The following USP44 variants were observed in gnomAD, a reference collection of about 807,000 sequenced individuals.
The protein encoded by USP44 is ubiquitin specific peptidase 44.
In USP44, 61 loss-of-function variants were observed where a neutral mutation model predicts 69.0. The observed-to-expected ratio is 0.88, with a 90% CI of 0.72 to 1.09. USP44 has a LOEUF of 1.09. Ranked by LOEUF, USP44 falls within the 50% of genes least tolerant of loss-of-function variation. The pLI is 0.00. For synonymous variants in USP44, 297 were observed against 295.4 expected (o/e 1.01, Z -0.06); for missense variants, 753 against 849.9 (o/e 0.89, Z 1.42).
chr12:95,524,812 A>G (rs1329810492), intron 3 of USP44, 24 bp from the exon 4 acceptor site: 1 of 1,568,006 alleles, frequency 6.4e-7, no homozygotes. Context: ...GAAAGAATAA[A>G]AATCAAATTT....
At chr12:95,523,643 G>A (rs774299136) in intron 4 of USP44, among the ~76,000 whole-genome samples, 2 of 145,500 alleles carry the variant, frequency 1.4e-5, no homozygotes, top group Non-Finnish European at 3.0e-5. Flanking sequence ...CTGAGCTCAG[G>A]AGTTTCCAGA....
At chr12:95,551,034 G>T (rs1019842292) in intron 1 of USP44, among the ~76,000 whole-genome samples, 1 of 151,952 alleles carries the variant, frequency 6.6e-6, no homozygotes, top group Non-Finnish European at 1.5e-5. Context: ...TTTTATTCAT[G>T]ATCTTCACTA....
At chr12:95,523,689 C>CAAAAAAAAAAAAAAAAAA (rs927669685) in intron 4 of USP44, among the ~76,000 whole-genome samples, 2 of 89,204 alleles carry the variant, frequency 2.2e-5, no homozygotes, top group Non-Finnish European at 4.8e-5. Context: ...CTGTCTCTAC[C>CAAAAAAAAAAAAAAAAAA]AAAAAAAAAA....
rs936746638 is a variant in USP44 at position 95,551,472 on chromosome 12, A to C, written c.-271T>G. The C allele has an allele frequency of 3.3e-5, 5 of 152,656 alleles. No individual in the cohort carries two copies. The highest frequency in any genetic ancestry group is 9.7e-5 in the African/African-American group (4 of 41,432). 9.5% of individuals were successfully genotyped at this position (152,656 alleles called of 1,614,324 possible). On this transcript the variant is annotated 5_prime_UTR_variant, in exon 1 of 6. Coordinates refer to ENST00000258499, the MANE Select transcript of USP44 (RefSeq NM_032147.5). ...TTTGGCTTAAACTCTCACCTCCTGG[A>C]AACTGCTTTCCTGAAGTCACAAACC...
intron 2 of USP44, among the ~76,000 whole-genome samples, chr12:95,530,660 T>G (rs1026490917): frequency 2.4e-5 from 3 of 126,740 alleles, no homozygotes; most frequent in African/African-American, 8.1e-5. Context: ...GATAGATAGA[T>G]AGATAGATAG....
chr12:95,521,127 A>G lies in USP44; in HGVS notation c.1809T>C (p.Tyr603=). Residue 603 remains tyrosine, a synonymous_variant, in exon 5 of 6, where the codon TAT becomes TAC. Coordinates refer to ENST00000258499, the MANE Select transcript of USP44 (RefSeq NM_032147.5). ...GFEEILNMEP[Y]CCRETLKSLR... is the part of the protein sequence containing the mutation. ...GGGATTTCAGGGTCTCCCTGCAGCA[A>G]TAGGGCTCCATGTTTAAGATTTCCT... is the stretch of plus-strand genomic sequence containing the variant. 1.9e-6 allele frequency: 3 copies of G among 1,614,176 alleles called. No individual in the cohort carries two copies. Among genetic ancestry groups the G allele is most frequent in the Non-Finnish European group, 2.5e-6 (3 of 1,180,026 alleles).
At chr12:95,545,838 A>G (rs1484636074) in intron 1 of USP44, among the ~76,000 whole-genome samples, 1 of 152,148 alleles carries the variant, frequency 6.6e-6, no homozygotes, top group Admixed American at 6.5e-5. Context: ...ATCATGATGT[A>G]TTTCCTTTCC....
At position 95,545,853 on chromosome 12, in the gene USP44, T is replaced by A. The variant is rs182552887; in HGVS notation, c.-71+5419A>T. Among the ~76,000 whole-genome samples, 53 of 152,322 alleles carry A rather than the reference T, an allele frequency of 3.5e-4. No individual in the cohort carries two copies. In the East Asian group the frequency reaches 6.9e-3, roughly 20 times the overall value. On this transcript the variant is annotated intron_variant, in intron 1 of 5. Transcript: ENST00000258499. ...ATCATGATGTATTTCCTTTCCTTTA[T>A]CCCTAGAAAGGCCCTGGTTATTCTT...
In USP44 at chr12:95,518,089, T is replaced by A; in HGVS notation, c.*65A>T. The A allele has an allele frequency of 6.5e-7, 1 of 1,535,528 alleles. No homozygotes were observed. The highest frequency in any genetic ancestry group is 8.9e-7 in the Non-Finnish European group (1 of 1,124,454). On this transcript the variant is annotated 3_prime_UTR_variant, in exon 6 of 6. Transcript: ENST00000258499. Reference sequence around the variant, plus strand: ...TCACAAGAAAAAATGAAGTTTAAAATGGTACATCAGTCTTTTAAAAAGTAT... The same window carrying A: ...TCACAAGAAAAAATGAAGTTTAAAAAGGTACATCAGTCTTTTAAAAAGTAT...
chr12:95,537,151 G>GA (rs1299341967), intron 1 of USP44, among the ~76,000 whole-genome samples: 1 of 152,062 alleles, frequency 6.6e-6, no homozygotes, highest in Non-Finnish European at 1.5e-5. Context: ...TGAAGAAGGG[G>GA]GCAGAGGTAG....
chr12:95,518,381 T>G, intron 5 of USP44, 28 bp from the exon 6 acceptor site: 1 of 1,605,118 alleles, frequency 6.2e-7, no homozygotes, highest in African/African-American at 1.3e-5. Flanking sequence ...AATACATTTA[T>G]GAAGGGACTT....
At chr12:95,535,962 C>T (rs867296618) in intron 1 of USP44, among the ~76,000 whole-genome samples, 4 of 151,636 alleles carry the variant, frequency 2.6e-5, no homozygotes, top group South Asian at 2.1e-4. Flanking sequence ...CATATTCGTT[C>T]CTTAATTTTT....
intron 5 of USP44, among the ~76,000 whole-genome samples, chr12:95,520,414 C>A (rs991652894): frequency 6.6e-6 from 1 of 152,052 alleles, no homozygotes; most frequent in Non-Finnish European, 1.5e-5. Flanking sequence ...ATTGCTTGAA[C>A]CCGGGAGGCA....
intron 3 of USP44, among the ~76,000 whole-genome samples, chr12:95,526,367 T>C (rs1033107745): frequency 2.0e-5 from 3 of 152,104 alleles, no homozygotes; most frequent in African/African-American, 7.2e-5. Context: ...GGTCAGGAGA[T>C]CGAGACCATC....
Position 95,533,519 on chromosome 12 carries a change from G to A in USP44, c.738C>T (p.Leu246=). The part of the protein sequence containing the change: ...TPASPAKDKV[L]STSENEISQK... ...GAGATATTTCATTTTCTGAGGTAGA[G>A]AGTACTTTATCTTTTGCTGGTGATG... Residue 246 remains leucine, a synonymous_variant, in exon 2 of 6, where the codon CTC becomes CTT. Coordinates refer to ENST00000258499, the MANE Select transcript of USP44 (RefSeq NM_032147.5). 2 of 1,614,070 alleles carry A rather than the reference G, an allele frequency of 1.2e-6. No homozygotes were observed. Among genetic ancestry groups the A allele is most frequent in the South Asian group, 1.1e-5 (1 of 91,066 alleles).
At position 95,533,913 on chromosome 12, in the gene USP44, C is replaced by A; in HGVS notation, c.344G>T (p.Arg115Leu). The A allele has an allele frequency of 6.2e-7, 1 of 1,614,180 alleles. No homozygotes were observed. Among genetic ancestry groups the A allele is most frequent in the South Asian group, 1.1e-5 (1 of 91,086 alleles). The change falls in exon 2 of 6, where the codon CGT (arginine) becomes CTT (leucine). Residue 115 changes from arginine (R) to leucine (L), a missense_variant. By Grantham distance (102) the Arg-to-Leu change is moderately radical. Coordinates refer to ENST00000258499, the MANE Select transcript of USP44 (RefSeq NM_032147.5). ...IKSQNYHCTT[R>L]SGRFLRSMGT... Reference sequence around the variant, plus strand: ...CATGGACCGTAAAAACCTCCCACTACGAGTTGTGCAGTGATAATTTTGACT... The same window carrying A: ...CATGGACCGTAAAAACCTCCCACTAAGAGTTGTGCAGTGATAATTTTGACT...
At chr12:95,531,813 C>T (rs2077029550) in intron 2 of USP44, among the ~76,000 whole-genome samples, 2 of 152,158 alleles carry the variant, frequency 1.3e-5, no homozygotes, top group Admixed American at 6.5e-5. Flanking sequence ...AGCCTAATAG[C>T]CTCAGTTATA....
At chr12:95,536,593 G>A (rs543028003) in intron 1 of USP44, among the ~76,000 whole-genome samples, 21 of 152,058 alleles carry the variant, frequency 1.4e-4, no homozygotes, top group African/African-American at 5.1e-4. Flanking sequence ...AAAAATGATT[G>A]ACTCTACCTC....
At chr12:95,521,255 G>A (rs1407681005) in intron 4 of USP44, 53 bp from the exon 5 acceptor site, 11 of 1,546,668 alleles carry the variant, frequency 7.1e-6, no homozygotes, top group Middle Eastern at 1.7e-4. Context: ...AAATAACCAC[G>A]TACTAGGTCT....
Sources: allele counts gnomAD v4.1 joint callset (sites outside exome capture counted in the v4.1 genomes callset), GRCh38; gene constraint gnomAD v4.1.1; transcripts MANE v1.5; gene names NCBI Gene and HGNC (gene_info 2026-07-23, HGNC 2026-07-21).